Variants in NCALD observed in about 807,000 individuals in gnomAD.
NCALD encodes neurocalcin-delta.
NCALD carries 10 observed loss-of-function variants against 18.6 expected under a neutral mutation model. The observed-to-expected ratio is 0.54, with a 90% CI of 0.33 to 0.91. The LOEUF (loss-of-function observed/expected upper bound fraction) is 0.91. Among genes scored for constraint, NCALD ranks in the 40% least tolerant of loss-of-function variants. NCALD has a pLI of 0.03. For missense variants in NCALD, 184 were observed against 247.6 expected (o/e 0.74, Z 1.72); for synonymous variants, 88 against 87.4 (o/e 1.01, Z -0.04).
At chr8:102,124,507 C>CT (rs1160705189), upstream of NCALD, 10 of 48,250 alleles carry the variant, frequency 2.1e-4, no homozygotes, top group East Asian at 2.5e-3. Flanking sequence ...CCCCCCCCCT[C>CT]CCCCGCTTGC....
At chr8:101,815,288 T>C (rs1186400397) in intron 4 of NCALD, among the ~76,000 whole-genome samples, 1 of 151,998 alleles carries the variant, frequency 6.6e-6, no homozygotes, top group African/African-American at 2.4e-5. Context: ...TGGAACAGAA[T>C]AGAGACCTCA....
chr8:101,761,415 T>G (rs1369151262), intron 1 of NCALD, among the ~76,000 whole-genome samples: 3 of 152,196 alleles, frequency 2.0e-5, no homozygotes, highest in Non-Finnish European at 4.4e-5. Flanking sequence ...AGAACCCACT[T>G]ATGACTATGT....
intron 1 of NCALD, among the ~76,000 whole-genome samples, chr8:101,738,552 C>CA (rs34205453): frequency 0.05 from 6,353 of 126,966 alleles, 141 homozygotes; most frequent in Admixed American, 0.085. Flanking sequence ...CTCAAAAAAA[C>CA]AAAAAAAAAA....
rs192216356 is a variant in NCALD at position 101,969,295 on chromosome 8, C to T, written c.-157+50942G>A. The stretch of plus-strand genomic sequence containing the variant: ...TCACATTAAAGGGAGAAATCTCCTG[C>T]CTGTATTAGCTGGTGAATTCACTAC... On this transcript the variant is annotated intron_variant, in intron 2 of 6. Coordinates refer to the NCALD transcript ENST00000311028. Among the ~76,000 whole-genome samples the T allele has an allele frequency of 1.8e-3, 274 of 152,278 alleles. 1 individual carries two copies. Among genetic ancestry groups the T allele is most frequent in the African/African-American group, 6.2e-3 (257 of 41,562 alleles).
intron 2 of NCALD, among the ~76,000 whole-genome samples, chr8:101,699,970 T>G (rs1450545715): frequency 6.6e-6 from 1 of 152,186 alleles, no homozygotes; most frequent in African/African-American, 2.4e-5. Context: ...TTATGTATTG[T>G]CCACTATGAG....
chr8:101,987,280 G>T (rs1039041158), intron 2 of NCALD, among the ~76,000 whole-genome samples: 5 of 152,188 alleles, frequency 3.3e-5, no homozygotes, highest in African/African-American at 1.2e-4. Context: ...CAAAGTGCAC[G>T]TTTGATTAAT....
At chr8:101,721,679 C>T (rs1468055034) in intron 1 of NCALD, among the ~76,000 whole-genome samples, 1 of 152,164 alleles carries the variant, frequency 6.6e-6, no homozygotes, top group East Asian at 1.9e-4. Flanking sequence ...CAGATAATGA[C>T]CAGCAATCCT....
chr8:101,790,106 A>G (rs1812391493), intron 1 of NCALD, among the ~76,000 whole-genome samples: 1 of 152,186 alleles, frequency 6.6e-6, no homozygotes, highest in Admixed American at 6.5e-5. Flanking sequence ...TTTAAAAATA[A>G]CAACAGCTTA....
At chr8:101,765,835 A>G (rs1025062994) in intron 1 of NCALD, among the ~76,000 whole-genome samples, 1 of 152,256 alleles carries the variant, frequency 6.6e-6, no homozygotes, top group Admixed American at 6.5e-5. Flanking sequence ...ACAATAGCTC[A>G]AGGATAATTT....
At chr8:101,944,954 T>G (rs1044966202) in intron 2 of NCALD, among the ~76,000 whole-genome samples, 2 of 152,188 alleles carry the variant, frequency 1.3e-5, no homozygotes, top group Non-Finnish European at 2.9e-5. Context: ...AGCCTTTCCT[T>G]TTAGTTGGGG....
At chr8:101,900,398 T>C (rs1213189943) in intron 3 of NCALD, among the ~76,000 whole-genome samples, 1 of 151,856 alleles carries the variant, frequency 6.6e-6, no homozygotes, top group Admixed American at 6.6e-5. Context: ...TATTTGGCTC[T>C]TTTTCTAGTT....
At chr8:101,792,865 A>G (rs1468290380), upstream of NCALD, among the ~76,000 whole-genome samples, 1 of 151,528 alleles carries the variant, frequency 6.6e-6, no homozygotes, top group African/African-American at 2.4e-5. Context: ...CTAATAGGTG[A>G]TGTCTTCTGA....
intron 1 of NCALD, among the ~76,000 whole-genome samples, chr8:102,106,521 G>C (rs940601241): frequency 1.3e-5 from 2 of 151,262 alleles, no homozygotes; most frequent in Non-Finnish European, 2.9e-5. Context: ...GCACAGGAAA[G>C]TGTCTCAGAT....
At chr8:101,775,327 C>T (rs931397428) in intron 1 of NCALD, among the ~76,000 whole-genome samples, 2 of 152,140 alleles carry the variant, frequency 1.3e-5, no homozygotes, top group Non-Finnish European at 2.9e-5. Context: ...CGCACATGTG[C>T]TTGGCTAAAA....
chr8:102,007,615 C>G (rs1465299565), intron 2 of NCALD, among the ~76,000 whole-genome samples: 1 of 152,164 alleles, frequency 6.6e-6, no homozygotes, highest in African/African-American at 2.4e-5. Flanking sequence ...ACCTTCTATT[C>G]CAGTTAATTA....
At chr8:102,011,761 G>A (rs556206819) in intron 2 of NCALD, among the ~76,000 whole-genome samples, 1 of 152,162 alleles carries the variant, frequency 6.6e-6, no homozygotes, top group Non-Finnish European at 1.5e-5. Flanking sequence ...GGATTTCAGA[G>A]TTGTAAAACT....
intron 2 of NCALD, among the ~76,000 whole-genome samples, chr8:101,951,243 G>A (rs572503590): frequency 6.6e-6 from 1 of 152,322 alleles, no homozygotes; most frequent in South Asian, 2.1e-4. Flanking sequence ...GGTACCCCAT[G>A]TTTTTTAATG....
chr8:101,765,917 G>A (rs1811329031), intron 1 of NCALD, among the ~76,000 whole-genome samples: 1 of 152,146 alleles, frequency 6.6e-6, no homozygotes, highest in East Asian at 1.9e-4. Flanking sequence ...TTACTGTTTA[G>A]TTCTACAGGG....
At chr8:101,925,540 A>G (rs1421902961) in intron 2 of NCALD, among the ~76,000 whole-genome samples, 2 of 152,168 alleles carry the variant, frequency 1.3e-5, no homozygotes, top group Non-Finnish European at 2.9e-5. Flanking sequence ...CATTAGCACC[A>G]TTGCCACTTC....
Sources: allele counts gnomAD v4.1 joint callset (sites outside exome capture counted in the v4.1 genomes callset), GRCh38; gene constraint gnomAD v4.1.1; transcripts MANE v1.5; gene names NCBI Gene and HGNC (gene_info 2026-07-23, HGNC 2026-07-21).